Variants in GRIN2B observed in about 807,000 individuals in gnomAD.
The protein encoded by GRIN2B is glutamate ionotropic receptor NMDA type subunit 2B, also known as glutamate receptor ionotropic, NMDA 2B.
GRIN2B carries 5 observed loss-of-function variants against 114.5 expected under a neutral mutation model. The observed-to-expected ratio is 0.04, with a 90% CI of 0.02 to 0.09. GRIN2B has a LOEUF of 0.09. Ranked by LOEUF, GRIN2B falls within the 10% of genes least tolerant of loss-of-function variation. The probability of loss-of-function intolerance (pLI) is 1.00; values close to 1 mark genes in which losing one functional copy is unlikely to be tolerated. For missense variants in GRIN2B, 1,108 were observed against 1,943.5 expected, an observed-to-expected ratio of 0.57 and a Z score of 8.08; for synonymous variants, 787 against 745.1, an observed-to-expected ratio of 1.06 and a Z score of -0.92.
chr12:13,896,077 A>G (rs1866347051), intron 2 of GRIN2B, among the ~76,000 whole-genome samples: 1 of 152,226 alleles, frequency 6.6e-6, no homozygotes, highest in Non-Finnish European at 1.5e-5. Context: ...TACTAACTCA[A>G]TGTTGATAAC....
chr12:13,796,903 T>A (rs1020983222), intron 3 of GRIN2B, among the ~76,000 whole-genome samples: 3 of 152,230 alleles, frequency 2.0e-5, no homozygotes, highest in Non-Finnish European at 4.4e-5. Flanking sequence ...CCTGCCTTGT[T>A]CATTCTCACC....
intron 3 of GRIN2B, among the ~76,000 whole-genome samples, chr12:13,757,503 G>A (rs575284304): frequency 6.6e-6 from 1 of 152,224 alleles, no homozygotes; most frequent in East Asian, 1.9e-4. Context: ...CGAGGATGAA[G>A]GACAGAGATA....
In GRIN2B at chr12:13,675,734, A is replaced by G; in HGVS notation, c.1125+11T>C. The G allele has an allele frequency of 6.7e-7, 1 of 1,491,638 alleles. No individual in the cohort carries two copies. The highest frequency in any genetic ancestry group is 9.4e-7 in the Non-Finnish European group (1 of 1,068,322). 92.4% of individuals were successfully genotyped at this position (1,491,638 alleles called of 1,614,324 possible). On this transcript the variant is annotated intron_variant, in intron 5 of 13. Transcript: ENST00000609686. ...CTACTTTGCTCAAGAATTGTCAAAG[A>G]CATGTCTTACCCTTTCCCACTTCCT... is the stretch of plus-strand genomic sequence containing the variant.
intron 3 of GRIN2B, among the ~76,000 whole-genome samples, chr12:13,775,573 A>G (rs1051223747): frequency 2.0e-5 from 3 of 152,364 alleles, no homozygotes; most frequent in African/African-American, 7.2e-5. Flanking sequence ...ATAGTTTCTT[A>G]GAAATAGAAT....
chr12:13,791,238 C>A (rs1034130895), intron 3 of GRIN2B, among the ~76,000 whole-genome samples: 1 of 151,886 alleles, frequency 6.6e-6, no homozygotes, highest in Admixed American at 6.6e-5. Flanking sequence ...CAAAGGCGGG[C>A]GGATCATGAG....
At chr12:13,667,465 T>C (rs1181805352) in intron 5 of GRIN2B, among the ~76,000 whole-genome samples, 1 of 152,270 alleles carries the variant, frequency 6.6e-6, no homozygotes, top group East Asian at 1.9e-4. Flanking sequence ...ACAAATCTTC[T>C]CACTTTAAAA....
chr12:13,623,891 AC>A (rs1949543159), intron 5 of GRIN2B, among the ~76,000 whole-genome samples: 1 of 152,122 alleles, frequency 6.6e-6, no homozygotes. Flanking sequence ...GTATTAGTAT[AC>A]TTTTGCATGT....
Position 13,761,517 on chromosome 12 carries a change from A to G in GRIN2B, c.412-7602T>C, listed in dbSNP as rs914959421. Reference sequence around the variant, plus strand: ...CTAAGATACCTAAACGAATTACAGAAGTAAGGGAGCAAAGGTCCTGGAGGA... The same window carrying G: ...CTAAGATACCTAAACGAATTACAGAGGTAAGGGAGCAAAGGTCCTGGAGGA... On this transcript the variant is annotated intron_variant, in intron 3 of 13. Coordinates refer to ENST00000609686, the MANE Select transcript of GRIN2B (RefSeq NM_000834.5). 2.0e-5 allele frequency among the ~76,000 whole-genome samples: 3 copies of G among 152,224 alleles called. No individual in the cohort carries two copies. The East Asian group carries it at 5.8e-4, about 29-fold the overall frequency.
chr12:13,978,523 A>T (rs1863070601), intron 2 of GRIN2B, among the ~76,000 whole-genome samples: 1 of 152,206 alleles, frequency 6.6e-6, no homozygotes, highest in Admixed American at 6.5e-5. Context: ...AGCGACAAAG[A>T]TCTTTCACCT....
intron 4 of GRIN2B, among the ~76,000 whole-genome samples, chr12:13,685,779 A>T (rs995836020): frequency 2.0e-5 from 3 of 152,224 alleles, no homozygotes; most frequent in African/African-American, 7.2e-5. Flanking sequence ...CAGAGTAATG[A>T]GAGAGATGCA....
intron 2 of GRIN2B, among the ~76,000 whole-genome samples, chr12:13,908,163 G>A (rs957256011): frequency 6.8e-6 from 1 of 146,134 alleles, no homozygotes; most frequent in Non-Finnish European, 1.5e-5. Context: ...AGCCTTCTCA[G>A]TCCTCCAACC....
In GRIN2B at chr12:13,865,906, A is replaced by G; in HGVS notation, c.303T>C (p.Asp101=). 1.9e-6 allele frequency: 3 copies of G among 1,614,018 alleles called. No homozygotes were observed. The South Asian group carries it at 3.3e-5, about 18-fold the overall frequency. Residue 101 remains aspartate, a synonymous_variant, in exon 3 of 14, where the codon GAT becomes GAC. Coordinates refer to ENST00000609686, the MANE Select transcript of GRIN2B (RefSeq NM_000834.5). Reference sequence around the variant, plus strand: ...GGGCGATGGCTTCCTGGTCTGTGTCATCAGCAAACACCACCCCCTGGATCT... The same window carrying G: ...GGGCGATGGCTTCCTGGTCTGTGTCGTCAGCAAACACCACCCCCTGGATCT... ...DRKIQGVVFA[D]DTDQEAIAQI... is the part of the protein sequence containing the mutation.
chr12:13,923,456 T>C (rs563428940), intron 2 of GRIN2B, among the ~76,000 whole-genome samples: 1 of 152,320 alleles, frequency 6.6e-6, no homozygotes, highest in South Asian at 2.1e-4. Context: ...ACCATTAAAG[T>C]TCTATATTGC....
At chr12:13,691,876 T>C (rs1950217514) in intron 4 of GRIN2B, among the ~76,000 whole-genome samples, 1 of 152,144 alleles carries the variant, frequency 6.6e-6, no homozygotes, top group Non-Finnish European at 1.5e-5. Context: ...AGACAAGCAC[T>C]CAGCAATGGG....
intron 3 of GRIN2B, among the ~76,000 whole-genome samples, chr12:13,806,861 T>G (rs1864609347): frequency 6.6e-6 from 1 of 152,174 alleles, no homozygotes; most frequent in African/African-American, 2.4e-5. Flanking sequence ...TCTGGTCTTA[T>G]GTTTAAGTCT....
chr12:13,845,247 T>C (rs1257087344), intron 3 of GRIN2B, among the ~76,000 whole-genome samples: 3 of 152,224 alleles, frequency 2.0e-5, no homozygotes, highest in African/African-American at 7.2e-5. Flanking sequence ...CAGAAGTTCA[T>C]ATAATCTCTA....
chr12:13,916,758 T>TGTGC, intron 2 of GRIN2B, among the ~76,000 whole-genome samples: 1 of 148,290 alleles, frequency 6.7e-6, no homozygotes, highest in African/African-American at 2.5e-5. Context: ...TGTGTGTGTG[T>TGTGC]GTATTTTAAT....
At chr12:13,817,867 T>C (rs1363374291) in intron 3 of GRIN2B, among the ~76,000 whole-genome samples, 1 of 152,162 alleles carries the variant, frequency 6.6e-6, no homozygotes, top group Non-Finnish European at 1.5e-5. Context: ...TACTGTGAAA[T>C]GGAAAGCAAA....
At position 13,565,474 on chromosome 12, in the gene GRIN2B, C is replaced by A. The variant is rs145978027; in HGVS notation, c.2599-835G>T. Among the ~76,000 whole-genome samples the A allele has an allele frequency of 2.1e-3, 314 of 152,250 alleles. 2 individuals carry two copies. Among genetic ancestry groups the A allele is most frequent in the African/African-American group, 7.1e-3 (297 of 41,562 alleles). ...AACATCTTAACAAATTAGTATTGAT[C>A]GAGAGCTCCCTGTGTACAGCTCTTT... On this transcript the variant is annotated intron_variant, in intron 13 of 13. Transcript: ENST00000609686.
Sources: gnomAD v4.1 joint callset for allele counts (sites outside exome capture counted in the v4.1 genomes callset) on GRCh38, gnomAD v4.1.1 for gene constraint, MANE v1.5 for transcripts, NCBI Gene and HGNC (gene_info 2026-07-23, HGNC 2026-07-21) for gene names.